The following PCDHGB2 variants were observed in gnomAD, a reference collection of about 807,000 sequenced individuals.
The protein encoded by PCDHGB2 is protocadherin gamma subfamily B, 2, also known as protocadherin gamma-B2.
PCDHGB2 carries 55 observed loss-of-function variants against 59.3 expected under a neutral mutation model. The observed-to-expected ratio is 0.93, with a 90% confidence interval of 0.75 to 1.16. The LOEUF (loss-of-function observed/expected upper bound fraction) is 1.16. Among genes scored for constraint, PCDHGB2 ranks in the 50% most tolerant of loss-of-function variants. The pLI is 0.00. For missense variants in PCDHGB2, 1,228 were observed against 1,198.5 expected, an observed-to-expected ratio of 1.02 and a Z score of -0.36; for synonymous variants, 516 against 512.0, an observed-to-expected ratio of 1.01 and a Z score of -0.11.
In PCDHGB2 at chr5:141,404,331, A is replaced by G. The variant is rs201757016; in HGVS notation, c.2421+41775A>G. On this transcript the variant is annotated intron_variant, in intron 1 of 3. Coordinates refer to ENST00000522605, the MANE Select transcript of PCDHGB2 (RefSeq NM_018923.3). ...TTCTCTCAAGCCTCCTACTCAGTCT[A>G]CCTCCCGGAAAACAACGCCAGAGGT... 101 of 1,613,692 alleles carry G rather than the reference A, an allele frequency of 6.3e-5. 1 individual carries two copies. The highest frequency in any genetic ancestry group is 6.0e-4 in the African/African-American group (45 of 74,944).
chr5:141,471,879 G>A (rs1027572395), intron 1 of PCDHGB2, among the ~76,000 whole-genome samples: 7 of 152,218 alleles, frequency 4.6e-5, no homozygotes, highest in African/African-American at 1.7e-4. Context: ...GCCTGAGGCT[G>A]AAGCTAGGAA....
In PCDHGB2 at chr5:141,486,574, C is replaced by T. The variant is rs1435813800; in HGVS notation, c.2422-8233C>T. On this transcript the variant is annotated intron_variant, in intron 1 of 3. Transcript: ENST00000522605. This position sits in a 1 kb window ranked among gnomAD's most constrained non-coding sequence, Gnocchi z 5.0. ...CACATGAGGTGTTTGTTCCTGAGAACAATCGCCCAGGGGACCTGCTTTGCT... is the reference window on the plus strand; with the variant it reads ...CACATGAGGTGTTTGTTCCTGAGAATAATCGCCCAGGGGACCTGCTTTGCT... The T allele has an allele frequency of 1.9e-6, 3 of 1,613,868 alleles. No homozygotes were observed. Among genetic ancestry groups the T allele is most frequent in the Non-Finnish European group, 2.5e-6 (3 of 1,180,002 alleles).
At chr5:141,401,861 G>A (rs934405271) in intron 1 of PCDHGB2, among the ~76,000 whole-genome samples, 3 of 152,122 alleles carry the variant, frequency 2.0e-5, no homozygotes, top group African/African-American at 7.2e-5. Context: ...TAACCTTTCA[G>A]TAGTTTTCTT....
At position 141,403,043 on chromosome 5, in the gene PCDHGB2, A is replaced by C. The variant is rs779412498; in HGVS notation, c.2421+40487A>C. On this transcript the variant is annotated intron_variant, in intron 1 of 3. Coordinates refer to ENST00000522605, the MANE Select transcript of PCDHGB2 (RefSeq NM_018923.3). ...GCTATGGGAGGCCAGGGCCAGTCAG[A>C]TTCGCTACTCAGTGCCTGAAGAGAC... 21 of 1,614,070 alleles carry C rather than the reference A, an allele frequency of 1.3e-5. No homozygotes were observed. In the South Asian group the frequency reaches 2.3e-4, roughly 18 times the overall value.
Position 141,476,301 on chromosome 5 carries a change from C to T in PCDHGB2, c.2422-18506C>T. On this transcript the variant is annotated intron_variant, in intron 1 of 3. Transcript: ENST00000522605. The surrounding 1 kb of genome is among the most constrained non-coding windows in gnomAD (Gnocchi z 7.6). ...CTTGGTTTGGATCTCGGTAGCCTCT[C>T]AGCCCGCAGGTTCCGGGTGGTGTCT... is the stretch of plus-strand genomic sequence containing the variant. The T allele has an allele frequency of 1.9e-6, 3 of 1,613,778 alleles. No homozygotes were observed. The highest frequency in any genetic ancestry group is 2.5e-6 in the Non-Finnish European group (3 of 1,179,908).
chr5:141,398,799 C>A, intron 1 of PCDHGB2: 1 of 1,613,966 alleles, frequency 6.2e-7, no homozygotes, highest in South Asian at 1.1e-5. Context: ...CCCTAAGCGG[C>A]ACCACTGAGC....
chr5:141,398,789 C>G (rs1400897772), intron 1 of PCDHGB2: 5 of 1,613,778 alleles, frequency 3.1e-6, no homozygotes, highest in Non-Finnish European at 4.2e-6. Context: ...GGACATCCAC[C>G]CCTAAGCGGC....
chr5:141,380,182 G>A (rs997433342), intron 1 of PCDHGB2, among the ~76,000 whole-genome samples: 1 of 152,142 alleles, frequency 6.6e-6, no homozygotes, highest in Non-Finnish European at 1.5e-5. Context: ...TTACAGGCAT[G>A]AGCCACTGAG....
intron 1 of PCDHGB2, chr5:141,415,943 T>A: frequency 1.8e-6 from 1 of 552,806 alleles, no homozygotes; most frequent in Non-Finnish European, 2.7e-6. Flanking sequence ...TCCTCCTGGG[T>A]GGTCACATAT....
At chr5:141,447,798 A>G (rs2098551922) in intron 1 of PCDHGB2, among the ~76,000 whole-genome samples, 2 of 152,230 alleles carry the variant, frequency 1.3e-5, no homozygotes, top group Admixed American at 1.3e-4. Context: ...TTAAGAAAAT[A>G]AAATTGGCTG....
intron 1 of PCDHGB2, among the ~76,000 whole-genome samples, chr5:141,436,469 G>A (rs376024456): frequency 6.6e-6 from 1 of 152,304 alleles, no homozygotes; most frequent in East Asian, 1.9e-4. Flanking sequence ...ATTTTCAGAT[G>A]TATCATAGAA....
At chr5:141,369,704 C>T (rs1256951546) in intron 1 of PCDHGB2, among the ~76,000 whole-genome samples, 1 of 152,224 alleles carries the variant, frequency 6.6e-6, no homozygotes, top group Non-Finnish European at 1.5e-5. Context: ...AAAGCTATGA[C>T]ATTATAACTT....
chr5:141,432,336 G>A lies in PCDHGB2; in HGVS notation c.2422-62471G>A. On this transcript the variant is annotated intron_variant, in intron 1 of 3. Coordinates refer to ENST00000522605, the MANE Select transcript of PCDHGB2 (RefSeq NM_018923.3). The surrounding 1 kb of genome is among the most constrained non-coding windows in gnomAD (Gnocchi z 6.0). ...AGCTCCTTCGACTACGAGCAGTTCC[G>A]AGACTTGCAAGTGAAAGTGATGGCG... 1.2e-6 allele frequency: 2 copies of A among 1,614,250 alleles called. No homozygotes were observed. The highest frequency in any genetic ancestry group is 1.7e-6 in the Non-Finnish European group (2 of 1,180,040).
At chr5:141,374,511 T>G in intron 1 of PCDHGB2, 1 of 1,611,912 alleles carries the variant, frequency 6.2e-7, no homozygotes, top group Non-Finnish European at 8.5e-7. Flanking sequence ...GTGAAAATTC[T>G]CGAAAACGCA....
intron 1 of PCDHGB2, chr5:141,383,576 C>T (rs1298305290): frequency 6.2e-7 from 1 of 1,613,446 alleles, no homozygotes; most frequent in Non-Finnish European, 8.5e-7. Flanking sequence ...TCCAGCACCG[C>T]CCACATCCAG....
chr5:141,375,163 A>G (rs1313060581), intron 1 of PCDHGB2: 1 of 1,613,892 alleles, frequency 6.2e-7, no homozygotes, highest in South Asian at 1.1e-5. Context: ...CTGAAAGTGC[A>G]CCTCCAGGAA....
At chr5:141,423,632 T>G in intron 1 of PCDHGB2, 1 of 1,602,602 alleles carries the variant, frequency 6.2e-7, no homozygotes, top group Non-Finnish European at 8.5e-7. Flanking sequence ...GCTATCATTT[T>G]AGGCAAATGT....
chr5:141,455,795 C>T (rs1251703490), intron 1 of PCDHGB2, among the ~76,000 whole-genome samples: 1 of 151,960 alleles, frequency 6.6e-6, no homozygotes, highest in African/African-American at 2.4e-5. Flanking sequence ...TCCGGAGATG[C>T]TTTAAAAAAT....
intron 1 of PCDHGB2, chr5:141,374,742 C>T (rs1382250910): frequency 8.7e-6 from 14 of 1,611,846 alleles, no homozygotes; most frequent in African/African-American, 1.3e-5. Flanking sequence ...GGCGGCGACC[C>T]TGTCCGCTCA....
Sources: allele counts gnomAD v4.1 joint callset (sites outside exome capture counted in the v4.1 genomes callset), GRCh38; gene constraint gnomAD v4.1.1; non-coding constraint Gnocchi (gnomAD v3.1); transcripts MANE v1.5; gene names NCBI Gene and HGNC (gene_info 2026-07-23, HGNC 2026-07-21).